Variants in PM20D2 observed in about 807,000 individuals in gnomAD.
PM20D2 encodes peptidase M20 domain containing 2.
A neutral mutation model predicts 42.9 loss-of-function variants in PM20D2; 33 were observed. That is an observed-to-expected ratio of 0.77 (90% CI 0.58 to 1.03). The LOEUF is 1.03. PM20D2 is among the 50% of genes least tolerant of loss of function. The pLI is 0.00. For missense variants in PM20D2, 548 were observed against 557.0 expected (o/e 0.98, Z 0.16); for synonymous variants, 250 against 228.2 (o/e 1.10, Z -0.86).
intron 6 of PM20D2, 28 bp from the exon 7 acceptor site, chr6:89,162,081 G>C (rs1562263701): frequency 6.3e-7 from 1 of 1,592,658 alleles, no homozygotes; most frequent in Admixed American, 1.8e-5. Context: ...AATAAGTAAG[G>C]AGGTATTTTA....
At chr6:89,127,889 A>G in the PM20D2 span, among the ~76,000 whole-genome samples, 66 of 152,220 alleles carry the variant, frequency 4.3e-4, no homozygotes, top group Admixed American at 2.7e-3. Flanking sequence ...TCAATTCCCA[A>G]ATAATACTTT....
chr6:89,121,830 CAATTAAATGCT>C, the PM20D2 span, among the ~76,000 whole-genome samples: 2 of 152,092 alleles, frequency 1.3e-5, no homozygotes, highest in African/African-American at 4.8e-5. Flanking sequence ...AAATTATGAT[CAATTAAATGCT>C]TTTTAAGTTT....
chr6:89,113,060 A>T, the PM20D2 span, among the ~76,000 whole-genome samples: 14 of 152,368 alleles, frequency 9.2e-5, no homozygotes, highest in East Asian at 2.1e-3. Context: ...GTACAACAAC[A>T]AAATCACCAA....
At chr6:89,142,876 T>C (rs1353406263), upstream of PM20D2, among the ~76,000 whole-genome samples, 2 of 152,128 alleles carry the variant, frequency 1.3e-5, no homozygotes, top group African/African-American at 4.8e-5. Flanking sequence ...GCCAGGATGG[T>C]CTCCATCTCC....
the PM20D2 span, chr6:89,107,126 C>G: frequency 1.9e-6 from 3 of 1,578,022 alleles, no homozygotes; most frequent in Non-Finnish European, 2.6e-6. Context: ...ACAGTATATT[C>G]ACATGCACAC....
the PM20D2 span, among the ~76,000 whole-genome samples, chr6:89,134,223 C>G: frequency 3.0e-4 from 45 of 151,218 alleles, 2 homozygotes; most frequent in Non-Finnish European, 4.7e-4. Flanking sequence ...CCATCCTGAT[C>G]TCAATCCTGA....
chr6:89,131,597 G>A, the PM20D2 span, among the ~76,000 whole-genome samples: 13 of 152,180 alleles, frequency 8.5e-5, no homozygotes, highest in Admixed American at 4.6e-4. Flanking sequence ...GCCTACTTAG[G>A]TTGCTAATGT....
chr6:89,118,966 G>A, the PM20D2 span, among the ~76,000 whole-genome samples: 2 of 152,348 alleles, frequency 1.3e-5, no homozygotes, highest in South Asian at 4.1e-4. Flanking sequence ...GGCAGGCACA[G>A]CCTGTTATTC....
the PM20D2 span, chr6:89,117,776 A>T: frequency 6.6e-7 from 1 of 1,511,750 alleles, no homozygotes; most frequent in Non-Finnish European, 8.8e-7. Context: ...CGCGGCTGTT[A>T]CCCCGCCCCT....
chr6:89,125,734 G>T, the PM20D2 span, among the ~76,000 whole-genome samples: 1 of 151,434 alleles, frequency 6.6e-6, no homozygotes. Context: ...AGTGAGCCAA[G>T]GTCGCACCAT....
Position 89,164,775 on chromosome 6 carries a change from T to C in PM20D2, c.*2512T>C, listed in dbSNP as rs1250314366. The C allele has an allele frequency of 1.3e-5, 2 of 152,116 alleles. No individual in the cohort carries two copies. The highest frequency in any genetic ancestry group is 6.6e-5 in the Admixed American group (1 of 15,200). The allele number at this position is 152,116 out of a possible 1,614,324, so 9.4% of individuals were successfully genotyped here. On this transcript the variant is annotated 3_prime_UTR_variant, in exon 7 of 7. Transcript: ENST00000275072. ...AAGAGTTTAAGATATTATGTAAAAT[T>C]ATGTGTATTTTCTTCTCTTTTACAT...
At chr6:89,098,703 C>G in the PM20D2 span, 4 of 1,613,804 alleles carry the variant, frequency 2.5e-6, no homozygotes, top group African/African-American at 5.3e-5. Flanking sequence ...GGGGATCTTG[C>G]TATTGAGTCA....
Position 89,165,171 on chromosome 6 carries a change from T to G in PM20D2, c.*2908T>G, listed in dbSNP as rs1771378777. 6.6e-6 allele frequency: 1 copy of G among 152,086 alleles called. No homozygotes were observed. Among genetic ancestry groups the G allele is most frequent in the African/African-American group, 2.4e-5 (1 of 41,458 alleles). The allele number at this position is 152,086 out of a possible 1,614,324, so 9.4% of individuals were successfully genotyped here. A position where few individuals can be genotyped will look rare whatever the true frequency, so the allele number is the denominator to read the frequency against. ...TTTTTTTAAGGATGATTGTCTAATT[T>G]TGTAATATGTTGTTTTTTAAAAACC... On this transcript the variant is annotated 3_prime_UTR_variant, in exon 7 of 7. Coordinates refer to ENST00000275072, the MANE Select transcript of PM20D2 (RefSeq NM_001010853.3).
Position 89,146,279 on chromosome 6 carries a change from C to T in PM20D2, c.135C>T (p.Ile45=). Residue 45 remains isoleucine (I), a synonymous_variant, in exon 1 of 7, where the codon ATC becomes ATT. Coordinates refer to ENST00000275072, the MANE Select transcript of PM20D2 (RefSeq NM_001010853.3). ...GGCTGGGGGCCCTGAGCCGCGCGAT[C>T]TGGAGCCAGCCCGAGCTGGCCTACG... ...AERLGALSRA[I]WSQPELAYEE... The T allele has an allele frequency of 6.3e-7, 1 of 1,581,520 alleles. No individual in the cohort carries two copies. Among genetic ancestry groups the T allele is most frequent in the Non-Finnish European group, 8.5e-7 (1 of 1,172,080 alleles).
chr6:89,105,193 G>A, the PM20D2 span: 1 of 1,612,216 alleles, frequency 6.2e-7, no homozygotes, highest in Non-Finnish European at 8.5e-7. Flanking sequence ...TTTGGCTGGG[G>A]CTTCTTGATC....
the PM20D2 span, among the ~76,000 whole-genome samples, chr6:89,136,728 A>G: frequency 1.1e-4 from 17 of 151,232 alleles, no homozygotes; most frequent in East Asian, 3.3e-3. Flanking sequence ...TATATTTGGA[A>G]AATTTCCACA....
the PM20D2 span, among the ~76,000 whole-genome samples, chr6:89,137,208 G>T: frequency 6.6e-5 from 10 of 151,408 alleles, no homozygotes; most frequent in African/African-American, 2.2e-4. Flanking sequence ...AGTCCAAAAT[G>T]GGACACAAGA....
At chr6:89,094,224 TA>T in the PM20D2 span, among the ~76,000 whole-genome samples, 1 of 148,106 alleles carries the variant, frequency 6.8e-6, no homozygotes, top group Non-Finnish European at 1.5e-5. Context: ...CCGGCCTCTT[TA>T]TTTTTTTTTA....
the PM20D2 span, among the ~76,000 whole-genome samples, chr6:89,109,835 T>A: frequency 1.3e-5 from 2 of 152,234 alleles, no homozygotes; most frequent in Non-Finnish European, 2.9e-5. Flanking sequence ...CTCACGCTTG[T>A]AATCCCAGCA....
Sources: gnomAD v4.1 joint callset for allele counts (sites outside exome capture counted in the v4.1 genomes callset) on GRCh38, gnomAD v4.1.1 for gene constraint, MANE v1.5 for transcripts, NCBI Gene and HGNC (gene_info 2026-07-23, HGNC 2026-07-21) for gene names.